The following SORCS1 variants were observed in gnomAD, a reference collection of about 807,000 sequenced individuals.
The protein encoded by SORCS1 is sortilin related VPS10 domain containing receptor 1.
In SORCS1, 60 loss-of-function variants were observed where a neutral mutation model predicts 146.1. That is an observed-to-expected ratio of 0.41 (90% CI 0.33 to 0.51). The LOEUF (loss-of-function observed/expected upper bound fraction) is 0.51, where lower values mean the gene tolerates loss of function less well. Ranked by LOEUF, SORCS1 falls within the 20% of genes least tolerant of loss-of-function variation. The pLI is 0.21. For missense variants in SORCS1, 1,352 were observed against 1,487.6 expected (o/e 0.91, Z 1.50); for synonymous variants, 637 against 584.0 (o/e 1.09, Z -1.31).
chr10:107,149,452 G>C (rs544130184), intron 1 of SORCS1, among the ~76,000 whole-genome samples: 69 of 152,212 alleles, frequency 4.5e-4, no homozygotes, highest in African/African-American at 1.5e-3. Flanking sequence ...ATACTGATTT[G>C]AGAAGCATGT....
intron 1 of SORCS1, among the ~76,000 whole-genome samples, chr10:107,081,417 T>C (rs1037461050): frequency 1.3e-5 from 2 of 152,352 alleles, no homozygotes; most frequent in East Asian, 1.9e-4. Context: ...TCTATCACTA[T>C]ACTAAACCAT....
chr10:107,021,463 G>A (rs530244939), intron 1 of SORCS1, among the ~76,000 whole-genome samples: 14 of 126,574 alleles, frequency 1.1e-4, no homozygotes, highest in South Asian at 5.4e-4. Flanking sequence ...GCAGTGAGCC[G>A]AGAACTCGCC....
At chr10:107,174,847 A>T in the SORCS1 span, among the ~76,000 whole-genome samples, 8 of 152,264 alleles carry the variant, frequency 5.3e-5, no homozygotes, top group Non-Finnish European at 1.0e-4. Flanking sequence ...GTATGGGGAA[A>T]ATTGGCTCAA....
intron 21 of SORCS1, among the ~76,000 whole-genome samples, chr10:106,617,092 T>C (rs1472188459): frequency 2.0e-5 from 3 of 151,990 alleles, no homozygotes; most frequent in African/African-American, 7.3e-5. Context: ...GTAGCTGGGA[T>C]TACAGGCATG....
At chr10:106,608,450 A>AT (rs569623657) in intron 22 of SORCS1, among the ~76,000 whole-genome samples, 31 of 150,310 alleles carry the variant, frequency 2.1e-4, no homozygotes, top group South Asian at 4.2e-4. Flanking sequence ...ACTGTGCTGC[A>AT]TTTTTTTTTG....
intron 1 of SORCS1, among the ~76,000 whole-genome samples, chr10:107,061,517 T>C (rs1425245266): frequency 1.3e-5 from 2 of 152,166 alleles, no homozygotes; most frequent in African/African-American, 4.8e-5. Context: ...TATACTACAG[T>C]ACAAGAGAAG....
intron 16 of SORCS1, among the ~76,000 whole-genome samples, chr10:106,669,759 C>T (rs1485037159): frequency 1.3e-5 from 2 of 152,184 alleles, no homozygotes; most frequent in Non-Finnish European, 2.9e-5. Flanking sequence ...TGGCTGAGCC[C>T]AAAGAGATAC....
intron 2 of SORCS1, among the ~76,000 whole-genome samples, chr10:106,947,569 C>T (rs111402333): frequency 6.6e-6 from 1 of 152,112 alleles, no homozygotes; most frequent in Admixed American, 6.5e-5. Context: ...ACAGGCTGGG[C>T]GCGGTGGCTC....
chr10:107,115,926 A>G (rs1192715809), intron 1 of SORCS1, among the ~76,000 whole-genome samples: 1 of 152,138 alleles, frequency 6.6e-6, no homozygotes, highest in Non-Finnish European at 1.5e-5. Flanking sequence ...CCCTGATTAA[A>G]AAGTGCACAA....
Position 106,937,826 on chromosome 10 carries a change from T to C in SORCS1, c.626+18687A>G, listed in dbSNP as rs974443497. Reference sequence around the variant, plus strand: ...TAAAAACACAAAAATTAGCCGGACATGGTGGCAGGTGCCTGTAATCCCCAC... The same window carrying C: ...TAAAAACACAAAAATTAGCCGGACACGGTGGCAGGTGCCTGTAATCCCCAC... On this transcript the variant is annotated intron_variant, in intron 2 of 25. Coordinates refer to ENST00000263054, the MANE Select transcript of SORCS1 (RefSeq NM_052918.5). Among the ~76,000 whole-genome samples the C allele has an allele frequency of 2.0e-5, 3 of 151,892 alleles. No homozygotes were observed. In the South Asian group the frequency reaches 6.3e-4, roughly 32 times the overall value.
chr10:106,989,670 GTTTTTTTTTGTTTT>G (rs1418379976), intron 1 of SORCS1, among the ~76,000 whole-genome samples: 23 of 116,436 alleles, frequency 2.0e-4, no homozygotes, highest in Non-Finnish European at 3.3e-4. Flanking sequence ...TATTTTTTCT[GTTTTTTTTTGTTTT>G]TTTTTTTTTT....
intron 1 of SORCS1, among the ~76,000 whole-genome samples, chr10:107,040,218 T>C (rs1229256444): frequency 6.6e-6 from 1 of 152,184 alleles, no homozygotes; most frequent in Non-Finnish European, 1.5e-5. Flanking sequence ...CTATGATATG[T>C]GTGTTGCTTT....
At chr10:107,038,536 A>G (rs1959014928) in intron 1 of SORCS1, among the ~76,000 whole-genome samples, 1 of 152,190 alleles carries the variant, frequency 6.6e-6, no homozygotes, top group Non-Finnish European at 1.5e-5. Flanking sequence ...AACTTAAAGT[A>G]TAATAAAAGA....
At chr10:106,954,241 T>C (rs1168380976) in intron 2 of SORCS1, among the ~76,000 whole-genome samples, 1 of 152,214 alleles carries the variant, frequency 6.6e-6, no homozygotes, top group Non-Finnish European at 1.5e-5. Flanking sequence ...ATTTCTAATA[T>C]GCAGACTATA....
chr10:107,110,803 G>T (rs762878258), intron 1 of SORCS1, among the ~76,000 whole-genome samples: 2 of 152,164 alleles, frequency 1.3e-5, no homozygotes, highest in Non-Finnish European at 2.9e-5. Flanking sequence ...CAGGGACCTG[G>T]AGGAAGTCAC....
chr10:106,738,691 A>G (rs1334273323), intron 5 of SORCS1, among the ~76,000 whole-genome samples: 4 of 152,180 alleles, frequency 2.6e-5, no homozygotes, highest in South Asian at 4.1e-4. Flanking sequence ...GGGTAGAACA[A>G]ATATAAGTTT....
At chr10:106,577,608 G>T in intron 25 of SORCS1, 53 bp from the exon 26 acceptor site, 2 of 1,607,174 alleles carry the variant, frequency 1.2e-6, no homozygotes, top group Non-Finnish European at 1.7e-6. Flanking sequence ...AAAGGGAAAG[G>T]TGTCAGAGAC....
At chr10:106,659,719 T>C (rs771779525) in intron 17 of SORCS1, among the ~76,000 whole-genome samples, 1 of 152,122 alleles carries the variant, frequency 6.6e-6, no homozygotes, top group Non-Finnish European at 1.5e-5. Context: ...CACTGTACCA[T>C]AGCACCAGGA....
At chr10:106,581,637 C>T (rs887178859) in intron 24 of SORCS1, among the ~76,000 whole-genome samples, 11 of 152,054 alleles carry the variant, frequency 7.2e-5, no homozygotes, top group African/African-American at 2.4e-4. Flanking sequence ...CCTCATGTAC[C>T]TACCACTCAG....
Sources: allele counts gnomAD v4.1 joint callset (sites outside exome capture counted in the v4.1 genomes callset), GRCh38; gene constraint gnomAD v4.1.1; transcripts MANE v1.5; gene names NCBI Gene and HGNC (gene_info 2026-07-23, HGNC 2026-07-21).